Variants in DACH2 observed in about 807,000 individuals in gnomAD.
DACH2 encodes the protein dachshund homolog 2.
In DACH2, 17 loss-of-function variants were observed where a neutral mutation model predicts 35.8. That is an observed-to-expected ratio of 0.48 (90% CI 0.33 to 0.71). DACH2 has a LOEUF of 0.71. DACH2 is among the 30% of genes least tolerant of loss of function. The pLI, the probability that DACH2 is intolerant of heterozygous loss-of-function variation, is 0.02. For missense variants in DACH2, 469 were observed against 472.7 expected, an observed-to-expected ratio of 0.99 and a Z score of 0.07; for synonymous variants, 195 against 177.3, an observed-to-expected ratio of 1.10 and a Z score of -0.79.
At chrX:86,661,517 T>C (rs2040604993) in intron 4 of DACH2, among the ~76,000 whole-genome samples, 1 of 112,668 alleles carries the variant, frequency 8.9e-6, no homozygotes, top group Non-Finnish European at 1.9e-5. Flanking sequence ...TATCAGAACT[T>C]CATTTATTTT....
chrX:86,528,759 TGGGACCCAGGCTAATA>T (rs2148285441), intron 3 of DACH2, among the ~76,000 whole-genome samples: 1 of 112,286 alleles, frequency 8.9e-6, no homozygotes, highest in South Asian at 3.7e-4. Flanking sequence ...TTTTAAAAAT[TGGGACCCAGGCTAATA>T]TTTGGTTTCT....
intron 2 of DACH2, among the ~76,000 whole-genome samples, chrX:86,507,142 T>C (rs772193994): frequency 8.0e-5 from 9 of 111,830 alleles, no homozygotes; most frequent in Non-Finnish European, 1.5e-4. Flanking sequence ...TAGAGACTAA[T>C]GCAGGCAGGT....
intron 4 of DACH2, among the ~76,000 whole-genome samples, chrX:86,674,569 T>C (rs1411549354): frequency 1.8e-5 from 2 of 112,169 alleles, no homozygotes; most frequent in Non-Finnish European, 3.8e-5. Context: ...CAGGATCCAC[T>C]CATTAAGATG....
At chrX:86,650,012 T>G (rs1247868098) in intron 3 of DACH2, among the ~76,000 whole-genome samples, 1 of 110,938 alleles carries the variant, frequency 9.0e-6, no homozygotes, top group East Asian at 2.8e-4. Context: ...TATCTAAAAA[T>G]AATTAAGTTG....
intron 1 of DACH2, among the ~76,000 whole-genome samples, chrX:86,165,698 A>G: frequency 9.1e-6 from 1 of 110,328 alleles, no homozygotes; most frequent in East Asian, 2.9e-4. Flanking sequence ...TTTCATATAT[A>G]GTTGTTTGAG....
At chrX:86,359,385 C>G (rs767095685) in intron 1 of DACH2, among the ~76,000 whole-genome samples, 1 of 110,819 alleles carries the variant, frequency 9.0e-6, no homozygotes, top group East Asian at 2.8e-4. Flanking sequence ...TTTGTATTAT[C>G]CTAGAGTGCA....
chrX:86,300,067 T>C (rs1438895891), intron 1 of DACH2, among the ~76,000 whole-genome samples: 2 of 111,338 alleles, frequency 1.8e-5, no homozygotes, highest in Non-Finnish European at 1.9e-5. Context: ...TTTCAGTTGT[T>C]TTGAAATATA....
In DACH2 at chrX:86,325,413, G is replaced by A. The variant is rs768734295; in HGVS notation, c.489-51411G>A. On this transcript the variant is annotated intron_variant, in intron 1 of 11. Transcript: ENST00000373125. ...TCTTTTAATATCATTTTAATATCAAGTTAGATGACTCTGATTGTCCTTGGA... is the reference window on the plus strand; with the variant it reads ...TCTTTTAATATCATTTTAATATCAAATTAGATGACTCTGATTGTCCTTGGA... 2.7e-5 allele frequency among the ~76,000 whole-genome samples: 3 copies of A among 111,869 alleles called. No homozygotes were observed. In the East Asian group the frequency reaches 8.5e-4, roughly 32 times the overall value.
intron 4 of DACH2, among the ~76,000 whole-genome samples, chrX:86,665,744 G>A (rs2040660250): frequency 1.0e-5 from 1 of 97,568 alleles, no homozygotes; most frequent in African/African-American, 3.8e-5. Context: ...TGCTGATGAG[G>A]GTTCAATTTA....
intron 2 of DACH2, among the ~76,000 whole-genome samples, chrX:86,513,249 T>A (rs1230064987): frequency 2.7e-5 from 3 of 112,146 alleles, no homozygotes; most frequent in Middle Eastern, 4.7e-3. Flanking sequence ...CTGCTAAAAT[T>A]ATTTAATATA....
intron 5 of DACH2, among the ~76,000 whole-genome samples, chrX:86,704,022 G>C (rs1479936131): frequency 8.9e-6 from 1 of 112,122 alleles, no homozygotes; most frequent in Non-Finnish European, 1.9e-5. Context: ...AATGAACAAA[G>C]CTGGAGAGCC....
intron 11 of DACH2, chrX:86,828,460 A>AAT (rs1222660021): frequency 9.0e-6 from 1 of 111,387 alleles, no homozygotes; most frequent in African/African-American, 3.3e-5. Context: ...TAAAGAATGC[A>AAT]ATGATAAAAA....
chrX:86,707,519 A>G (rs2041229054), intron 5 of DACH2, among the ~76,000 whole-genome samples: 1 of 111,858 alleles, frequency 8.9e-6, no homozygotes, highest in African/African-American at 3.3e-5. Context: ...AATACCAGAG[A>G]AAGATAACAT....
At chrX:86,275,194 A>C (rs1295047220) in intron 1 of DACH2, among the ~76,000 whole-genome samples, 5 of 111,855 alleles carry the variant, frequency 4.5e-5, no homozygotes, top group Non-Finnish European at 9.4e-5. Flanking sequence ...AATATACTAC[A>C]AGGGGTTTAT....
At chrX:86,611,010 G>T (rs1003870844) in intron 3 of DACH2, among the ~76,000 whole-genome samples, 12 of 110,427 alleles carry the variant, frequency 1.1e-4, no homozygotes, top group Admixed American at 6.7e-4. Flanking sequence ...ACCACAGCTC[G>T]CAATATGTTG....
At chrX:86,706,234 C>T (rs1371700788) in intron 5 of DACH2, among the ~76,000 whole-genome samples, 6 of 110,566 alleles carry the variant, frequency 5.4e-5, no homozygotes, top group Non-Finnish European at 3.8e-5. Context: ...CTTGTACTCT[C>T]GAAGCTATTA....
intron 3 of DACH2, among the ~76,000 whole-genome samples, chrX:86,593,530 G>A (rs1482477416): frequency 3.7e-5 from 4 of 108,965 alleles, no homozygotes; most frequent in East Asian, 2.9e-4. Flanking sequence ...GGGTTCAAGC[G>A]ATTCTCCTGC....
chrX:86,790,458 T>C (rs1333229971), intron 7 of DACH2, among the ~76,000 whole-genome samples: 1 of 112,489 alleles, frequency 8.9e-6, no homozygotes. Flanking sequence ...CCACTTTACA[T>C]TGTAAATACC....
intron 4 of DACH2, among the ~76,000 whole-genome samples, chrX:86,676,368 A>G (rs772641035): frequency 1.3e-4 from 15 of 111,999 alleles, no homozygotes; most frequent in Admixed American, 4.8e-4. Context: ...AATTGAAGGA[A>G]TTCTGAATCC....
Sources: allele counts gnomAD v4.1 joint callset (sites outside exome capture counted in the v4.1 genomes callset), GRCh38; gene constraint gnomAD v4.1.1; transcripts MANE v1.5; gene names NCBI Gene and HGNC (gene_info 2026-07-23, HGNC 2026-07-21).